Variants in GPR137C observed in about 807,000 individuals in gnomAD.
GPR137C encodes integral membrane protein GPR137C.
A neutral mutation model predicts 43.4 loss-of-function variants in GPR137C; 27 were observed. The ratio of observed to expected loss-of-function variants is 0.62; its 90% CI spans 0.46 to 0.86. GPR137C has a LOEUF of 0.86. Ranked by LOEUF, GPR137C falls within the 40% of genes least tolerant of loss-of-function variation. The pLI is 0.00. For synonymous variants in GPR137C, 285 were observed against 226.9 expected (o/e 1.26, Z -2.30); for missense variants, 522 against 534.6 (o/e 0.98, Z 0.23).
At chr14:52,560,978 C>A (rs977683786) in intron 1 of GPR137C, among the ~76,000 whole-genome samples, 4 of 151,874 alleles carry the variant, frequency 2.6e-5, no homozygotes, top group Non-Finnish European at 5.9e-5. Flanking sequence ...GTACGTTTAT[C>A]CAAAACATAA....
chr14:52,610,997 A>G (rs1370372545), intron 3 of GPR137C, among the ~76,000 whole-genome samples: 1 of 152,180 alleles, frequency 6.6e-6, no homozygotes, highest in Admixed American at 6.5e-5. Context: ...CTTATTAATA[A>G]CATTATTTCA....
chr14:52,599,861 G>T (rs955905032), intron 2 of GPR137C, among the ~76,000 whole-genome samples: 1 of 152,188 alleles, frequency 6.6e-6, no homozygotes, highest in African/African-American at 2.4e-5. Flanking sequence ...ATGTAAATAT[G>T]CTTAATAGTT....
chr14:52,588,298 C>G (rs1040762841), intron 1 of GPR137C, among the ~76,000 whole-genome samples: 1 of 152,130 alleles, frequency 6.6e-6, no homozygotes, highest in African/African-American at 2.4e-5. Flanking sequence ...GTGCATGCCA[C>G]CACTCCTGGC....
chr14:52,567,551 A>T (rs10483612), intron 1 of GPR137C, among the ~76,000 whole-genome samples: 1 of 152,056 alleles, frequency 6.6e-6, no homozygotes, highest in Non-Finnish European at 1.5e-5. Flanking sequence ...AAGGATTGGA[A>T]GGCAGGTCTT....
chr14:52,618,840 C>G (rs1447302205), intron 3 of GPR137C, among the ~76,000 whole-genome samples: 1 of 151,888 alleles, frequency 6.6e-6, no homozygotes, highest in Non-Finnish European at 1.5e-5. Flanking sequence ...CCCGAGATAG[C>G]AAGTTGGGAT....
intron 1 of GPR137C, among the ~76,000 whole-genome samples, chr14:52,580,834 A>G (rs2038634020): frequency 6.8e-6 from 1 of 147,576 alleles, no homozygotes; most frequent in East Asian, 1.9e-4. Context: ...AATAATATTT[A>G]TATGTATATA....
At chr14:52,600,023 A>C (rs1594797759) in intron 2 of GPR137C, 90 bp from the exon 3 acceptor site, 2 of 812,462 alleles carry the variant, frequency 2.5e-6, no homozygotes, top group South Asian at 3.4e-5. Context: ...AACTGAAGGA[A>C]TTCTTGTACC....
chr14:52,576,383 G>T (rs945124872), intron 1 of GPR137C, among the ~76,000 whole-genome samples: 1 of 152,126 alleles, frequency 6.6e-6, no homozygotes, highest in African/African-American at 2.4e-5. Context: ...AGACACTTAG[G>T]TTGATTCTGT....
intron 1 of GPR137C, among the ~76,000 whole-genome samples, chr14:52,577,958 C>G (rs1246951868): frequency 6.6e-6 from 1 of 151,810 alleles, no homozygotes; most frequent in African/African-American, 2.4e-5. Flanking sequence ...GAATGAGACC[C>G]TGTCTCAAAA....
At chr14:52,558,258 C>G (rs1294320044) in intron 1 of GPR137C, among the ~76,000 whole-genome samples, 2 of 151,944 alleles carry the variant, frequency 1.3e-5, no homozygotes, top group African/African-American at 4.8e-5. Context: ...CAGGCTGTGC[C>G]TTGCAGTGAG....
At chr14:52,566,589 G>C (rs1048138170) in intron 1 of GPR137C, among the ~76,000 whole-genome samples, 1 of 152,184 alleles carries the variant, frequency 6.6e-6, no homozygotes, top group Non-Finnish European at 1.5e-5. Context: ...CAGCAGGACT[G>C]ACAGCAGTAA....
chr14:52,619,367 T>C (rs2039134317), intron 3 of GPR137C, among the ~76,000 whole-genome samples: 1 of 152,166 alleles, frequency 6.6e-6, no homozygotes, highest in East Asian at 1.9e-4. Flanking sequence ...TCCCCTGTAA[T>C]ATAGATAGGA....
At chr14:52,582,529 T>C (rs1374234269) in intron 1 of GPR137C, among the ~76,000 whole-genome samples, 1 of 152,184 alleles carries the variant, frequency 6.6e-6, no homozygotes, top group African/African-American at 2.4e-5. Flanking sequence ...CATGGTGGCT[T>C]ATGCCTGTAA....
At chr14:52,578,490 C>T (rs542629963) in intron 1 of GPR137C, among the ~76,000 whole-genome samples, 1 of 152,104 alleles carries the variant, frequency 6.6e-6, no homozygotes, top group Admixed American at 6.6e-5. Context: ...TTATTAACAT[C>T]ATGTTTTTGT....
At chr14:52,634,239 G>A (rs1180936691) in intron 6 of GPR137C, among the ~76,000 whole-genome samples, 1 of 152,018 alleles carries the variant, frequency 6.6e-6, no homozygotes, top group African/African-American at 2.4e-5. Flanking sequence ...GCACAAGGAA[G>A]AAATACTATT....
intron 3 of GPR137C, among the ~76,000 whole-genome samples, chr14:52,630,021 G>A (rs1212999590): frequency 6.6e-6 from 1 of 152,124 alleles, no homozygotes; most frequent in Non-Finnish European, 1.5e-5. Flanking sequence ...TTTTAGGAAG[G>A]TTTTCTTCGA....
At chr14:52,580,752 G>A (rs2038631335) in intron 1 of GPR137C, among the ~76,000 whole-genome samples, 1 of 148,520 alleles carries the variant, frequency 6.7e-6, no homozygotes, top group African/African-American at 2.5e-5. Flanking sequence ...ATAGGCTGCT[G>A]TAAATATATA....
chr14:52,570,721 A>G lies in GPR137C; in HGVS notation c.444+17130A>G, dbSNP rs149743090. ...CCTAGTCTCTGATAAAGCAGACTTTAAACCAACAAAGATCAAAAAGGACAA... is the reference window on the plus strand; with the variant it reads ...CCTAGTCTCTGATAAAGCAGACTTTGAACCAACAAAGATCAAAAAGGACAA... On this transcript the variant is annotated intron_variant, in intron 1 of 6. Coordinates refer to ENST00000321662, the MANE Select transcript of GPR137C (RefSeq NM_001099652.2). Among the ~76,000 whole-genome samples, 458 of 152,332 alleles carry G rather than the reference A, an allele frequency of 3.0e-3. 4 individuals carry two copies. The highest frequency in any genetic ancestry group is 0.011 in the African/African-American group (447 of 41,562).
rs371047400 is a variant in GPR137C at position 52,552,951 on chromosome 14, G to A, written c.-197G>A. ...GCAGGAGGAGCCGAGACCCCCGGGG[G>A]GTGGGGGGAAAGAGGAGGCGGGGTC... On this transcript the variant is annotated 5_prime_UTR_variant, in exon 1 of 7. Coordinates refer to ENST00000321662, the MANE Select transcript of GPR137C (RefSeq NM_001099652.2). Among the ~76,000 whole-genome samples, 24 of 151,916 alleles carry A rather than the reference G, an allele frequency of 1.6e-4. 1 individual carries two copies. In the East Asian group the frequency reaches 2.9e-3, roughly 19 times the overall value.
Sources: gnomAD v4.1 joint callset for allele counts (sites outside exome capture counted in the v4.1 genomes callset) on GRCh38, gnomAD v4.1.1 for gene constraint, MANE v1.5 for transcripts, NCBI Gene and HGNC (gene_info 2026-07-23, HGNC 2026-07-21) for gene names.